Variants in PA2G4 observed in about 807,000 individuals in gnomAD.
The protein encoded by PA2G4 is proliferation-associated 2G4.
In PA2G4, 8 loss-of-function variants were observed where a neutral mutation model predicts 53.3. The observed-to-expected ratio is 0.15, with a 90% CI of 0.09 to 0.27. The LOEUF (loss-of-function observed/expected upper bound fraction) is 0.27. Among genes scored for constraint, PA2G4 ranks in the 10% least tolerant of loss-of-function variants. PA2G4 has a pLI of 1.00. For missense variants in PA2G4, 208 were observed against 486.8 expected (o/e 0.43, Z 5.39); for synonymous variants, 143 against 169.8 (o/e 0.84, Z 1.23).
chr12:56,106,333 G>A (rs922725085), intron 1 of PA2G4: 3 of 324,678 alleles, frequency 9.2e-6, no homozygotes, highest in African/African-American at 6.4e-5. Flanking sequence ...AGAACCCTCT[G>A]AAGTTCATAA....
chr12:56,109,629 CAAAA>C (rs34060703), intron 6 of PA2G4, among the ~76,000 whole-genome samples: 1 of 84,828 alleles, frequency 1.2e-5, no homozygotes, highest in Non-Finnish European at 2.6e-5. Context: ...TCCTCCATCT[CAAAA>C]AAAAAAAAAA....
intron 6 of PA2G4, 89 bp from the exon 7 acceptor site, chr12:56,109,768 C>A: frequency 1.1e-6 from 1 of 873,224 alleles, no homozygotes; most frequent in South Asian, 1.3e-5. Flanking sequence ...TGTCTCACTG[C>A]CTACCACTTC....
intron 1 of PA2G4, chr12:56,105,166 G>C: frequency 1.9e-6 from 1 of 539,362 alleles, no homozygotes; most frequent in Non-Finnish European, 3.6e-6. Flanking sequence ...TCTGGCAGCG[G>C]CGAGGCCACC....
chr12:56,110,792 T>C (rs2136841986), intron 9 of PA2G4, 100 bp downstream of exon 9: 2 of 1,444,244 alleles, frequency 1.4e-6, no homozygotes, highest in Non-Finnish European at 1.9e-6. Context: ...GTAGCGTGCA[T>C]GTGCTCACTC....
Position 56,109,235 on chromosome 12 carries a change from A to T in PA2G4, c.492A>T (p.Thr164=). ...LRLVKPGNQN[T]QVTEAWNKVA... ...ATTTGATGTTGTACTTCTAGAACACACAAGTGACAGAAGCCTGGAACAAAG... is the reference window on the plus strand; with the variant it reads ...ATTTGATGTTGTACTTCTAGAACACTCAAGTGACAGAAGCCTGGAACAAAG... The change falls in exon 6 of 13, where the codon ACA becomes ACT. Residue 164 remains threonine, a synonymous_variant. Transcript: ENST00000303305. 1 of 1,610,946 alleles carries T rather than the reference A, an allele frequency of 6.2e-7. No individual in the cohort carries two copies. The highest frequency in any genetic ancestry group is 8.5e-7 in the Non-Finnish European group (1 of 1,177,692).
chr12:56,105,485 T>C (rs956591585), intron 1 of PA2G4, among the ~76,000 whole-genome samples: 1 of 152,214 alleles, frequency 6.6e-6, no homozygotes, highest in Non-Finnish European at 1.5e-5. Context: ...TGGAGATATA[T>C]ATGGCTTTTC....
intron 5 of PA2G4, 140 bp downstream of exon 5, chr12:56,107,753 G>A (rs148881463): frequency 4.0e-5 from 24 of 601,204 alleles, no homozygotes; most frequent in Admixed American, 2.0e-4. Context: ...ATTTAGCTGG[G>A]CACAGTGACT....
intron 2 of PA2G4, 92 bp downstream of exon 2, chr12:56,106,808 AC>A: frequency 6.8e-7 from 1 of 1,477,072 alleles, no homozygotes; most frequent in Non-Finnish European, 9.1e-7. Flanking sequence ...CGCAGTCCCC[AC>A]CCCAGCTCTG....
In PA2G4 at chr12:56,107,010, A is replaced by G. The variant is rs1278287867; in HGVS notation, c.238A>G (p.Ile80Val). The G allele has an allele frequency of 1.9e-6, 3 of 1,613,216 alleles. No individual in the cohort carries two copies. Among genetic ancestry groups the G allele is most frequent in the Non-Finnish European group, 2.5e-6 (3 of 1,179,674 alleles). The change falls in exon 3 of 13, where the codon ATT (isoleucine) becomes GTT (valine). Residue 80 changes from isoleucine to valine, a missense_variant. This residue lies in a region of PA2G4 where 143 missense variants were observed against 386.8 expected (regional missense o/e 0.37). Transcript: ENST00000303305. ...TACAGGTATTGCTTTTCCCACCAGC[A>G]TTTCGGTAAATAACTGTGTATGTCA... is the stretch of plus-strand genomic sequence containing the variant. ...MKKGIAFPTS[I>V]SVNNCVCHFS...
chr12:56,111,144 G>C, intron 10 of PA2G4, 38 bp from the exon 11 acceptor site: 1 of 1,614,062 alleles, frequency 6.2e-7, no homozygotes, highest in South Asian at 1.1e-5. Context: ...TATGACAAAG[G>C]AACTTTTTAT....
chr12:56,107,416 G>A (rs1869323643), intron 4 of PA2G4, 105 bp from the exon 5 acceptor site: 5 of 1,005,974 alleles, frequency 5.0e-6, no homozygotes, highest in African/African-American at 4.8e-5. Flanking sequence ...TTACCCTCCT[G>A]TTCATTGGCT....
In PA2G4 at chr12:56,113,895, G is replaced by T. The variant is rs530254867; in HGVS notation, c.*1007G>T. 6.0e-5 allele frequency: 42 copies of T among 702,210 alleles called. No homozygotes were observed. In the African/African-American group the frequency reaches 6.3e-4, roughly 10 times the overall value. The allele number at this position is 702,210 out of a possible 1,614,324, so 43.5% of individuals were successfully genotyped here. On this transcript the variant is annotated 3_prime_UTR_variant, in exon 13 of 13. Coordinates refer to ENST00000303305, the MANE Select transcript of PA2G4 (RefSeq NM_006191.3). The stretch of plus-strand genomic sequence containing the variant: ...ATGACATGACATTAAAATAAATTTG[G>T]ATTTGCTCATAATGATGTGCTTTGT...
chr12:56,107,292 G>A, intron 4 of PA2G4, 36 bp downstream of exon 4: 2 of 1,532,326 alleles, frequency 1.3e-6, no homozygotes, highest in Non-Finnish European at 1.8e-6. Context: ...TTTAGCCTTG[G>A]GGTAGAGGGA....
Position 56,109,912 on chromosome 12 carries a change from C to G in PA2G4, c.606C>G (p.Ile202Met), listed in dbSNP as rs1869383663. The G allele has an allele frequency of 6.2e-7, 1 of 1,613,570 alleles. No homozygotes were observed. The highest frequency in any genetic ancestry group is 1.7e-5 in the Admixed American group (1 of 59,984). ...TCATCGATGGAGAAAAAACCATTAT[C>G]CAGAATCCCACAGACCAGCAGAAGT... is the stretch of plus-strand genomic sequence containing the variant. ...QHVIDGEKTI[I>M]QNPTDQQKKD... is the part of the protein sequence containing the mutation. The change falls in exon 7 of 13, where the codon ATC becomes ATG. Residue 202 changes from isoleucine to methionine, a missense_variant. This residue lies in a region of PA2G4 where 143 missense variants were observed against 386.8 expected (regional missense o/e 0.37). Coordinates refer to ENST00000303305, the MANE Select transcript of PA2G4 (RefSeq NM_006191.3).
intron 5 of PA2G4, 53 bp from the exon 6 acceptor site, chr12:56,109,177 G>T: frequency 5.6e-6 from 6 of 1,077,886 alleles, no homozygotes; most frequent in Non-Finnish European, 8.5e-6. Flanking sequence ...TCTCATTGTA[G>T]AGAACTTATT....
At chr12:56,109,708 C>T in intron 6 of PA2G4, 149 bp from the exon 7 acceptor site, 1 of 637,888 alleles carries the variant, frequency 1.6e-6, no homozygotes, top group South Asian at 1.8e-5. Context: ...TGGCTATAAC[C>T]CAGTCTAAGC....
At chr12:56,105,449 A>G (rs940112674) in intron 1 of PA2G4, among the ~76,000 whole-genome samples, 1 of 151,972 alleles carries the variant, frequency 6.6e-6, no homozygotes. Context: ...GTTGGAGAGC[A>G]CTCCTGGAGC....
At chr12:56,107,438 A>G (rs1235804956) in intron 4 of PA2G4, 83 bp from the exon 5 acceptor site, 4 of 1,088,710 alleles carry the variant, frequency 3.7e-6, no homozygotes, top group East Asian at 2.4e-5. Flanking sequence ...GTCTTCGCAT[A>G]TGGGCTCACA....
chr12:56,111,517 G>GA lies in PA2G4; in HGVS notation c.1115dup (p.Lys373GlufsTer19), dbSNP rs746871475. 1 of 1,610,098 alleles carries GA rather than the reference G, an allele frequency of 6.2e-7. No homozygotes were observed. Among genetic ancestry groups the GA allele is most frequent in the Non-Finnish European group, 8.5e-7 (1 of 1,178,574 alleles). Reference sequence around the variant, plus strand: ...CTGCAAGTCGAAAAACCCAGAAAAAGAAAAAAAAGAAGGTGTGTTATTAAC... The same window carrying GA: ...CTGCAAGTCGAAAAACCCAGAAAAAGAAAAAAAAAGAAGGTGTGTTATTAAC... On this transcript the variant is annotated frameshift_variant, in exon 12 of 13. Coordinates refer to ENST00000303305, the MANE Select transcript of PA2G4 (RefSeq NM_006191.3). LOFTEE classifies it high-confidence loss of function.
Sources: gnomAD v4.1 joint callset for allele counts (sites outside exome capture counted in the v4.1 genomes callset) on GRCh38, gnomAD v4.1.1 for gene constraint, gnomAD v4.1.1 regional missense constraint, MANE v1.5 for transcripts, NCBI Gene and HGNC (gene_info 2026-07-23, HGNC 2026-07-21) for gene names.